Variants in MDGA2 observed in about 807,000 individuals in gnomAD.
MDGA2 encodes the protein MAM domain-containing glycosylphosphatidylinositol anchor protein 2.
MDGA2 carries 40 observed loss-of-function variants against 117.8 expected under a neutral mutation model. The observed-to-expected ratio is 0.34, with a 90% CI of 0.26 to 0.44. The LOEUF is 0.44. Ranked by LOEUF, MDGA2 falls within the 20% of genes least tolerant of loss-of-function variation. The pLI, the probability that MDGA2 is intolerant of heterozygous loss-of-function variation, is 1.00. For synonymous variants in MDGA2, 452 were observed against 439.0 expected, an observed-to-expected ratio of 1.03 and a Z score of -0.37; for missense variants, 1,123 against 1,250.6, an observed-to-expected ratio of 0.90 and a Z score of 1.54.
chr14:47,038,183 C>T (rs1016220704), intron 7 of MDGA2, among the ~76,000 whole-genome samples: 5 of 152,182 alleles, frequency 3.3e-5, no homozygotes, highest in Admixed American at 2.0e-4. Context: ...CTACCCTCCT[C>T]GGCCTCCCAA....
At chr14:47,359,760 AAAAAAAG>A in intron 1 of MDGA2, among the ~76,000 whole-genome samples, 1 of 151,364 alleles carries the variant, frequency 6.6e-6, no homozygotes, top group East Asian at 1.9e-4. Flanking sequence ...AAAAAAAAAA[AAAAAAAG>A]AAAAGAAAAA....
chr14:47,586,223 T>C, intron 1 of MDGA2, among the ~76,000 whole-genome samples: 1 of 151,950 alleles, frequency 6.6e-6, no homozygotes, highest in East Asian at 1.9e-4. Flanking sequence ...AACACGAGAC[T>C]GCACTTAATA....
intron 3 of MDGA2, among the ~76,000 whole-genome samples, chr14:47,204,633 G>T (rs1269580748): frequency 1.3e-5 from 2 of 151,736 alleles, no homozygotes; most frequent in African/African-American, 4.8e-5. Flanking sequence ...GTTAACAGTG[G>T]AACTTCAAAA....
chr14:46,957,313 G>GTCTA, intron 9 of MDGA2, 61 bp downstream of exon 9: 1 of 1,499,650 alleles, frequency 6.7e-7, no homozygotes, highest in Admixed American at 1.9e-5. Context: ...ATTGACATAG[G>GTCTA]TCTAAGATCT....
chr14:46,968,130 T>C (rs1886109578), intron 8 of MDGA2, among the ~76,000 whole-genome samples: 1 of 152,172 alleles, frequency 6.6e-6, no homozygotes, highest in African/African-American at 2.4e-5. Flanking sequence ...CCATCTCTGG[T>C]GCAGCTGGCC....
At chr14:47,428,562 C>T (rs1441511223) in intron 1 of MDGA2, among the ~76,000 whole-genome samples, 1 of 152,016 alleles carries the variant, frequency 6.6e-6, no homozygotes, top group Non-Finnish European at 1.5e-5. Context: ...CATCTGAGTT[C>T]AGAACTCTCT....
At chr14:46,941,157 T>C (rs1884987257) in intron 9 of MDGA2, among the ~76,000 whole-genome samples, 2 of 152,200 alleles carry the variant, frequency 1.3e-5, no homozygotes, top group Admixed American at 1.3e-4. Flanking sequence ...AAAGCAGGTA[T>C]CTATCTGCCT....
At chr14:47,544,375 C>T (rs942190073) in intron 1 of MDGA2, among the ~76,000 whole-genome samples, 15 of 152,056 alleles carry the variant, frequency 9.9e-5, no homozygotes, top group African/African-American at 3.6e-4. Context: ...ATATATGCTT[C>T]CTAAATTGCA....
chr14:47,064,914 T>G (rs1316697951), intron 6 of MDGA2, among the ~76,000 whole-genome samples: 5 of 152,062 alleles, frequency 3.3e-5, no homozygotes, highest in African/African-American at 1.2e-4. Flanking sequence ...TACTGGAGTA[T>G]AACAGAGGTC....
chr14:47,642,182 T>C (rs537742158), intron 1 of MDGA2, among the ~76,000 whole-genome samples: 1 of 152,174 alleles, frequency 6.6e-6, no homozygotes, highest in Admixed American at 6.5e-5. Context: ...GTTATCTCAG[T>C]AGCCTTCAGC....
intron 2 of MDGA2, among the ~76,000 whole-genome samples, chr14:47,265,916 A>G (rs992098493): frequency 6.6e-6 from 1 of 152,174 alleles, no homozygotes; most frequent in African/African-American, 2.4e-5. Context: ...CACATAAGAT[A>G]TACAGAAATC....
At position 47,665,501 on chromosome 14, in the gene MDGA2, G is replaced by A. The variant is rs115652465; in HGVS notation, c.280+9016C>T. Among the ~76,000 whole-genome samples, 678 of 152,270 alleles carry A rather than the reference G, an allele frequency of 4.5e-3. 9 individuals are homozygous for A. The highest frequency in any genetic ancestry group is 0.015 in the African/African-American group (637 of 41,564). ...CTCCGGGCTGGCTGAGGCTGGAGCCGGCTCCCTCGGCTTGTGGGGAGGTGT... is the reference window on the plus strand; with the variant it reads ...CTCCGGGCTGGCTGAGGCTGGAGCCAGCTCCCTCGGCTTGTGGGGAGGTGT... On this transcript the variant is annotated intron_variant, in intron 1 of 16. Transcript: ENST00000399232.
At chr14:47,105,992 T>A (rs1411907406) in intron 5 of MDGA2, among the ~76,000 whole-genome samples, 5 of 151,080 alleles carry the variant, frequency 3.3e-5, no homozygotes, top group East Asian at 2.0e-4. Context: ...GCCCTCCCCC[T>A]CCTGCCCAGC....
At chr14:47,375,271 A>C (rs1891452732) in intron 1 of MDGA2, among the ~76,000 whole-genome samples, 1 of 151,828 alleles carries the variant, frequency 6.6e-6, no homozygotes, top group Admixed American at 6.6e-5. Context: ...TTCCATCTTA[A>C]TCAAAGCCCT....
At chr14:47,053,484 C>G (rs902565587) in intron 7 of MDGA2, among the ~76,000 whole-genome samples, 4 of 151,252 alleles carry the variant, frequency 2.6e-5, no homozygotes, top group African/African-American at 9.7e-5. Context: ...TTCTAAATGA[C>G]CGAGGCATAA....
intron 2 of MDGA2, among the ~76,000 whole-genome samples, chr14:47,270,625 A>G (rs761132239): frequency 4.9e-4 from 75 of 152,160 alleles, no homozygotes; most frequent in Non-Finnish European, 9.8e-4. Context: ...TGATGTGAGG[A>G]AGCTCTTTTA....
intron 6 of MDGA2, among the ~76,000 whole-genome samples, chr14:47,077,962 G>A (rs1890557807): frequency 6.6e-6 from 1 of 152,010 alleles, no homozygotes; most frequent in Non-Finnish European, 1.5e-5. Context: ...AATTTTGGGG[G>A]ACTATTTATT....
intron 2 of MDGA2, among the ~76,000 whole-genome samples, chr14:47,282,750 C>T (rs936400828): frequency 6.6e-6 from 1 of 150,394 alleles, no homozygotes; most frequent in Non-Finnish European, 1.5e-5. Context: ...TTCTATACAA[C>T]CTGTCATCTT....
intron 1 of MDGA2, among the ~76,000 whole-genome samples, chr14:47,562,822 T>C (rs372847613): frequency 6.6e-6 from 1 of 152,108 alleles, no homozygotes; most frequent in African/African-American, 2.4e-5. Flanking sequence ...TGATGTTAGG[T>C]TGTTAATTTG....
Sources: gnomAD v4.1 joint callset for allele counts (sites outside exome capture counted in the v4.1 genomes callset) on GRCh38, gnomAD v4.1.1 for gene constraint, MANE v1.5 for transcripts, NCBI Gene and HGNC (gene_info 2026-07-23, HGNC 2026-07-21) for gene names.